The following ALOX5 variants were observed in gnomAD, a reference collection of about 807,000 sequenced individuals.
The protein encoded by ALOX5 is arachidonate 5-lipoxygenase.
In ALOX5, 64 loss-of-function variants were observed where a neutral mutation model predicts 87.9. The observed-to-expected ratio is 0.73, with a 90% CI of 0.60 to 0.90. The LOEUF is 0.90. Among genes scored for constraint, ALOX5 ranks in the 40% least tolerant of loss-of-function variants. The pLI, the probability that ALOX5 is intolerant of heterozygous loss-of-function variation, is 0.00. For synonymous variants in ALOX5, 388 were observed against 355.1 expected (o/e 1.09, Z -1.04); for missense variants, 822 against 907.5 (o/e 0.91, Z 1.21).
chr10:45,438,342 A>G (rs970705761), intron 7 of ALOX5, among the ~76,000 whole-genome samples: 1 of 152,146 alleles, frequency 6.6e-6, no homozygotes, highest in African/African-American at 2.4e-5. Context: ...GAGCTGCTAA[A>G]CCAGCTGGAG....
At chr10:45,398,172 G>A (rs11239512) in intron 3 of ALOX5, among the ~76,000 whole-genome samples, 20,035 of 152,192 alleles carry the variant, frequency 0.13, 1,592 homozygotes, top group Non-Finnish European at 0.17. Context: ...ATAGACTTGA[G>A]AGTCCAGAAA....
chr10:45,402,494 G>A (rs1840737349), intron 3 of ALOX5, among the ~76,000 whole-genome samples: 1 of 152,230 alleles, frequency 6.6e-6, no homozygotes, highest in Non-Finnish European at 1.5e-5. Context: ...AGGGCTGAAG[G>A]AGAAGGAGAA....
chr10:45,439,791 G>A (rs1842170265), intron 7 of ALOX5, among the ~76,000 whole-genome samples: 1 of 152,216 alleles, frequency 6.6e-6, no homozygotes, highest in Non-Finnish European at 1.5e-5. Flanking sequence ...CCAGTGTGGA[G>A]TGGAAACTGG....
chr10:45,397,868 A>C (rs1840567077), intron 3 of ALOX5, among the ~76,000 whole-genome samples: 1 of 152,244 alleles, frequency 6.6e-6, no homozygotes, highest in Non-Finnish European at 1.5e-5. Flanking sequence ...AAGACATTTC[A>C]TGTTCATGAA....
At chr10:45,433,363 G>C (rs915549121) in intron 7 of ALOX5, among the ~76,000 whole-genome samples, 4 of 152,244 alleles carry the variant, frequency 2.6e-5, no homozygotes, top group Non-Finnish European at 5.9e-5. Context: ...GGGTCCTGGG[G>C]TTGAGGCTGT....
intron 4 of ALOX5, among the ~76,000 whole-genome samples, chr10:45,419,737 T>TCAAAAGACAAAAA (rs57997114): frequency 0.74 from 112,567 of 151,918 alleles, 41,996 homozygotes; most frequent in East Asian, 0.88. Context: ...AGACCCTGTT[T>TCAAAAGACAAAAA]CAAAAGGCAC....
At chr10:45,404,226 G>T (rs779908345) in intron 3 of ALOX5, among the ~76,000 whole-genome samples, 1 of 152,138 alleles carries the variant, frequency 6.6e-6, no homozygotes, top group Non-Finnish European at 1.5e-5. Flanking sequence ...TTCCGTTCAG[G>T]AAACACTGAA....
rs546009856 is a variant in ALOX5 at position 45,412,053 on chromosome 10, G to C, written c.432-138G>C. 3.8e-4 allele frequency: 480 copies of C among 1,276,052 alleles called. 4 individuals carry two copies. In the South Asian group the frequency reaches 5.4e-3, roughly 14 times the overall value. 79.0% of individuals were successfully genotyped at this position (1,276,052 alleles called of 1,614,324 possible). On this transcript the variant is annotated intron_variant, in intron 3 of 13. Transcript: ENST00000374391. ...CAGAACCTTACTGGACACAGGGTCA[G>C]CCTATGATGTGTTGACTTTATTTTG...
At chr10:45,404,628 T>A (rs1343448650) in intron 3 of ALOX5, among the ~76,000 whole-genome samples, 1 of 152,252 alleles carries the variant, frequency 6.6e-6, no homozygotes, top group Non-Finnish European at 1.5e-5. Context: ...AGTTAACTTC[T>A]TCATGGCATA....
intron 7 of ALOX5, among the ~76,000 whole-genome samples, chr10:45,431,380 TG>T (rs1399539530): frequency 6.6e-6 from 1 of 152,080 alleles, no homozygotes; most frequent in African/African-American, 2.4e-5. Flanking sequence ...TTTCTGGTAA[TG>T]CTATGGTAGA....
At chr10:45,413,588 G>T (rs896512260) in intron 4 of ALOX5, among the ~76,000 whole-genome samples, 2 of 152,138 alleles carry the variant, frequency 1.3e-5, no homozygotes, top group Non-Finnish European at 2.9e-5. Flanking sequence ...GGAAGTTCTG[G>T]CCAGGGCAAT....
intron 2 of ALOX5, among the ~76,000 whole-genome samples, chr10:45,387,050 A>G (rs554427067): frequency 6.6e-6 from 1 of 152,284 alleles, no homozygotes; most frequent in South Asian, 2.1e-4. Flanking sequence ...ATTGGCATTT[A>G]CTGCGTGCCA....
chr10:45,391,508 C>T (rs55700434), intron 2 of ALOX5, among the ~76,000 whole-genome samples: 18,095 of 152,066 alleles, frequency 0.12, 1,458 homozygotes, highest in Non-Finnish European at 0.17. Flanking sequence ...CTCTGCCCGG[C>T]CGCCACCCCG....
intron 7 of ALOX5, among the ~76,000 whole-genome samples, chr10:45,429,457 G>C (rs1428383447): frequency 6.6e-6 from 1 of 152,186 alleles, no homozygotes; most frequent in African/African-American, 2.4e-5. Context: ...ATAGCAGCTG[G>C]ATAGGTCAGG....
chr10:45,380,729 G>T (rs1342961182), intron 1 of ALOX5, among the ~76,000 whole-genome samples: 1 of 152,182 alleles, frequency 6.6e-6, no homozygotes, highest in Non-Finnish European at 1.5e-5. Flanking sequence ...ATCACTTGAG[G>T]TCAGGAGTTT....
intron 4 of ALOX5, among the ~76,000 whole-genome samples, chr10:45,415,717 TG>T (rs1217403196): frequency 6.6e-6 from 1 of 152,156 alleles, no homozygotes; most frequent in East Asian, 1.9e-4. Flanking sequence ...AGGGAGGGCA[TG>T]GTCACGTTAC....
At chr10:45,401,148 A>G (rs1840685917) in intron 3 of ALOX5, among the ~76,000 whole-genome samples, 1 of 152,048 alleles carries the variant, frequency 6.6e-6, no homozygotes, top group African/African-American at 2.4e-5. Context: ...GTTTTCTTTC[A>G]TTTCATTTCC....
intron 6 of ALOX5, among the ~76,000 whole-genome samples, chr10:45,427,280 G>A (rs560936042): frequency 1.7e-4 from 26 of 152,290 alleles, no homozygotes; most frequent in Non-Finnish European, 2.9e-4. Flanking sequence ...AGCTCTCAAA[G>A]TCCAGCTATC....
chr10:45,398,614 G>A lies in ALOX5; in HGVS notation c.431+2678G>A, dbSNP rs547143935. 2.2e-3 allele frequency among the ~76,000 whole-genome samples: 339 copies of A among 152,228 alleles called. 1 individual carries two copies. The highest frequency in any genetic ancestry group is 3.9e-3 in the Non-Finnish European group (262 of 68,012). ...TTTACAAATTGTATATCTGATAAGG[G>A]CCTTCCATCCATAATTTATAAAGAA... On this transcript the variant is annotated intron_variant, in intron 3 of 13. Coordinates refer to ENST00000374391, the MANE Select transcript of ALOX5 (RefSeq NM_000698.5).
Sources: gnomAD v4.1 joint callset for allele counts (sites outside exome capture counted in the v4.1 genomes callset) on GRCh38, gnomAD v4.1.1 for gene constraint, MANE v1.5 for transcripts, NCBI Gene and HGNC (gene_info 2026-07-23, HGNC 2026-07-21) for gene names.